Variants in HPSE2 observed in about 807,000 individuals in gnomAD.
The protein encoded by HPSE2 is inactive heparanase-2.
In HPSE2, 38 loss-of-function variants were observed where a neutral mutation model predicts 60.5. The ratio of observed to expected loss-of-function variants is 0.63; its 90% CI spans 0.48 to 0.82. The LOEUF is 0.82. Among genes scored for constraint, HPSE2 ranks in the 40% least tolerant of loss-of-function variants. The pLI is 0.00. For missense variants in HPSE2, 713 were observed against 740.4 expected (o/e 0.96, Z 0.43); for synonymous variants, 295 against 293.2 (o/e 1.01, Z -0.06).
At chr10:98,941,849 C>T (rs1955014782) in intron 3 of HPSE2, among the ~76,000 whole-genome samples, 1 of 138,364 alleles carries the variant, frequency 7.2e-6, no homozygotes, top group Non-Finnish European at 1.5e-5. Context: ...GCTACAGTAA[C>T]CAAAACAGCA....
chr10:98,708,266 C>G lies in HPSE2; in HGVS notation c.956+13391G>C, dbSNP rs188726019. 9.3e-4 allele frequency among the ~76,000 whole-genome samples: 142 copies of G among 152,122 alleles called. 1 individual carries two copies. The highest frequency in any genetic ancestry group is 2.2e-3 in the Admixed American group (33 of 15,264). On this transcript the variant is annotated intron_variant, in intron 5 of 11. Coordinates refer to ENST00000370552, the MANE Select transcript of HPSE2 (RefSeq NM_021828.5). ...GGTCAGGAGATCAAGACTATCCTCA[C>G]TAACAATGTGAAACCCTGTCTCTAC...
In HPSE2 at chr10:99,124,122, C is replaced by G. The variant is rs1462061307; in HGVS notation, c.610+20116G>C. ...CGCCTGGGCACTGAGGCAGGTTGTC[C>G]CATTGATTCTGCAGTCCTCAGTGGA... On this transcript the variant is annotated intron_variant, in intron 3 of 11. Transcript: ENST00000370552. Among the ~76,000 whole-genome samples, 4 of 152,250 alleles carry G rather than the reference C, an allele frequency of 2.6e-5. No homozygotes were observed. The East Asian group carries it at 7.7e-4, about 29-fold the overall frequency.
chr10:99,109,110 G>A (rs1433809627), intron 3 of HPSE2, among the ~76,000 whole-genome samples: 1 of 152,020 alleles, frequency 6.6e-6, no homozygotes, highest in Non-Finnish European at 1.5e-5. Flanking sequence ...TAAAAATTGT[G>A]GAGTACATAT....
intron 5 of HPSE2, among the ~76,000 whole-genome samples, chr10:98,700,565 A>T (rs1232340569): frequency 7.4e-6 from 1 of 134,972 alleles, no homozygotes. Context: ...AGGCATTACT[A>T]TCCAGGACAT....
intron 3 of HPSE2, among the ~76,000 whole-genome samples, chr10:99,077,581 T>G (rs991737183): frequency 2.6e-5 from 4 of 152,086 alleles, no homozygotes; most frequent in African/African-American, 9.7e-5. Flanking sequence ...TGAGTGTATG[T>G]GTGTGTATGT....
intron 5 of HPSE2, among the ~76,000 whole-genome samples, chr10:98,720,562 A>C (rs1288121671): frequency 2.0e-5 from 3 of 152,200 alleles, no homozygotes; most frequent in Admixed American, 2.0e-4. Flanking sequence ...ATTTGGCAAC[A>C]AATATAAAAG....
At chr10:98,515,139 T>C (rs1304981505) in intron 9 of HPSE2, among the ~76,000 whole-genome samples, 1 of 152,172 alleles carries the variant, frequency 6.6e-6, no homozygotes, top group African/African-American at 2.4e-5. Context: ...TCAAGCCGAC[T>C]GAGAGTGGCT....
chr10:98,935,929 G>C (rs1291957782), intron 3 of HPSE2, among the ~76,000 whole-genome samples: 2 of 144,900 alleles, frequency 1.4e-5, no homozygotes, highest in Admixed American at 1.4e-4. Flanking sequence ...CAGGTGCTCT[G>C]TCCCAAGGAG....
intron 3 of HPSE2, among the ~76,000 whole-genome samples, chr10:98,923,924 T>C (rs1336125903): frequency 6.6e-6 from 1 of 152,200 alleles, no homozygotes; most frequent in Non-Finnish European, 1.5e-5. Flanking sequence ...TTAGTTCATT[T>C]GGTGAAGTAA....
chr10:98,948,503 GATT>G (rs1264123686), intron 3 of HPSE2, among the ~76,000 whole-genome samples: 1 of 152,144 alleles, frequency 6.6e-6, no homozygotes, highest in African/African-American at 2.4e-5. Context: ...GAAGGGTTCT[GATT>G]ATTCAAGACT....
chr10:99,036,628 A>C (rs1457869716), intron 3 of HPSE2, among the ~76,000 whole-genome samples: 1 of 152,216 alleles, frequency 6.6e-6, no homozygotes, highest in Non-Finnish European at 1.5e-5. Flanking sequence ...AAAATGAATG[A>C]AATAAATGAA....
At chr10:99,132,195 G>GAAAGAAAGAAAGAC (rs1564832790) in intron 3 of HPSE2, among the ~76,000 whole-genome samples, 2 of 14,118 alleles carry the variant, frequency 1.4e-4, no homozygotes, top group African/African-American at 3.0e-4. Context: ...GAAAGAAAGA[G>GAAAGAAAGAAAGAC]AGAGAGAGAG....
chr10:99,068,730 A>C (rs897219048), intron 3 of HPSE2, among the ~76,000 whole-genome samples: 6 of 152,244 alleles, frequency 3.9e-5, no homozygotes, highest in African/African-American at 7.2e-5. Flanking sequence ...TTTTAACAAG[A>C]TCCACTATGA....
At chr10:98,932,163 G>A (rs1375023416) in intron 3 of HPSE2, among the ~76,000 whole-genome samples, 1 of 143,708 alleles carries the variant, frequency 7.0e-6, no homozygotes, top group South Asian at 2.1e-4. Flanking sequence ...AGTTTATTGA[G>A]AGTTTTTAAC....
At chr10:99,281,637 G>T in the HPSE2 span, among the ~76,000 whole-genome samples, 1 of 152,212 alleles carries the variant, frequency 6.6e-6, no homozygotes, top group South Asian at 2.1e-4. Context: ...AAAGAGCTTT[G>T]AAATTTCCTT....
rs561896306 is a variant in HPSE2 at position 98,825,425 on chromosome 10, G to T, written c.611-81369C>A. Among the ~76,000 whole-genome samples the T allele has an allele frequency of 2.6e-5, 4 of 152,278 alleles. No homozygotes were observed. In the South Asian group the frequency reaches 8.3e-4, roughly 32 times the overall value. ...AAGTGTTTGCTCTTCCTCGAGCAAG[G>T]CTAGCTCTTTCCTGTCATTCAGATT... On this transcript the variant is annotated intron_variant, in intron 3 of 11. Transcript: ENST00000370552.
chr10:99,219,436 A>C (rs1048231829), intron 2 of HPSE2, among the ~76,000 whole-genome samples: 31 of 152,188 alleles, frequency 2.0e-4, no homozygotes, highest in African/African-American at 7.2e-4. Context: ...CTACAAGCAC[A>C]CATGGCCTCT....
chr10:98,572,064 C>T (rs1027939535), intron 9 of HPSE2, among the ~76,000 whole-genome samples: 1 of 151,840 alleles, frequency 6.6e-6, no homozygotes, highest in African/African-American at 2.4e-5. Context: ...CCTCAGCCTC[C>T]CAAGTAGCTG....
At chr10:98,595,024 C>A (rs1054670536) in intron 9 of HPSE2, among the ~76,000 whole-genome samples, 1 of 152,026 alleles carries the variant, frequency 6.6e-6, no homozygotes, top group Non-Finnish European at 1.5e-5. Flanking sequence ...TTCTTCCAAT[C>A]CATGAACACA....
Sources: gnomAD v4.1 joint callset for allele counts (sites outside exome capture counted in the v4.1 genomes callset) on GRCh38, gnomAD v4.1.1 for gene constraint, MANE v1.5 for transcripts, NCBI Gene and HGNC (gene_info 2026-07-23, HGNC 2026-07-21) for gene names.